HIP1: variants seen among roughly 807,000 people sequenced by gnomAD.
HIP1 encodes the protein huntingtin-interacting protein 1.
A neutral mutation model predicts 147.6 loss-of-function variants in HIP1; 65 were observed. The ratio of observed to expected loss-of-function variants is 0.44; its 90% confidence interval spans 0.36 to 0.54. HIP1 has a LOEUF of 0.54. Among genes scored for constraint, HIP1 ranks in the 20% least tolerant of loss-of-function variants. The probability of loss-of-function intolerance (pLI) is 0.00; values close to 1 mark genes in which losing one functional copy is unlikely to be tolerated. For synonymous variants in HIP1, 479 were observed against 504.0 expected, an observed-to-expected ratio of 0.95 and a Z score of 0.67; for missense variants, 1,061 against 1,299.6, an observed-to-expected ratio of 0.82 and a Z score of 2.82.
At chr7:75,614,384 C>T (rs1435327792) in intron 1 of HIP1, among the ~76,000 whole-genome samples, 8 of 151,892 alleles carry the variant, frequency 5.3e-5, no homozygotes, top group African/African-American at 1.9e-4. Context: ...CCACCACACA[C>T]ACACATAGAC....
At position 75,630,143 on chromosome 7, in the gene HIP1, G is replaced by A. The variant is rs142626338; in HGVS notation, c.121-30896C>T. Among the ~76,000 whole-genome samples, 546 of 151,428 alleles carry A rather than the reference G, an allele frequency of 3.6e-3. 1 individual carries two copies. The highest frequency in any genetic ancestry group is 0.013 in the African/African-American group (518 of 41,268). On this transcript the variant is annotated intron_variant, in intron 1 of 30. Transcript: ENST00000336926. ...TGCACCACTGCATTCCAGCCTCAGG[G>A]ATAGAGTGAGACCTTCTCTCTGAAA...
intron 5 of HIP1, 64 bp from the exon 6 acceptor site, chr7:75,582,215 C>A (rs587662586): frequency 2.8e-5 from 37 of 1,299,468 alleles, no homozygotes; most frequent in Non-Finnish European, 3.9e-5. Flanking sequence ...CTCAGCCGGG[C>A]GTGGTGGCAC....
chr7:75,669,076 A>AC (rs1799652440), intron 1 of HIP1, among the ~76,000 whole-genome samples: 3 of 145,456 alleles, frequency 2.1e-5, no homozygotes, highest in East Asian at 2.1e-4. Context: ...AAACAAACAA[A>AC]AAAAACAGGC....
chr7:75,647,415 A>G (rs976315696), intron 1 of HIP1, among the ~76,000 whole-genome samples: 1 of 151,876 alleles, frequency 6.6e-6, no homozygotes, highest in African/African-American at 2.4e-5. Context: ...AAAACGAAAC[A>G]AAACAAAAAA....
intron 8 of HIP1, among the ~76,000 whole-genome samples, chr7:75,571,217 A>G (rs35949935): frequency 0.26 from 38,808 of 151,916 alleles, 5,341 homozygotes; most frequent in African/African-American, 0.35. Flanking sequence ...GTGCACCACC[A>G]TGCCCAGCTT....
Position 75,536,071 on chromosome 7 carries a change from T to G in HIP1, c.*2101A>C. 1 of 186,696 alleles carries G rather than the reference T, an allele frequency of 5.4e-6. No homozygotes were observed. The allele number at this position is 186,696 out of a possible 1,614,324, so 11.6% of individuals were successfully genotyped here. A position where few individuals can be genotyped will look rare whatever the true frequency, so the allele number is the denominator to read the frequency against. ...ATGGCTGAGATCTAGAAGTGAGGAC[T>G]AGCCACTTTTGGAAATGTTGACCCG... On this transcript the variant is annotated 3_prime_UTR_variant, in exon 31 of 31. Transcript: ENST00000336926.
intron 2 of HIP1, among the ~76,000 whole-genome samples, chr7:75,595,263 C>CCTTT (rs1796682511): frequency 1.1e-5 from 1 of 95,010 alleles, no homozygotes; most frequent in Non-Finnish European, 2.1e-5. Flanking sequence ...TTCCTTCCTT[C>CCTTT]CTTCCTTCCT....
At position 75,568,484 on chromosome 7, in the gene HIP1, G is replaced by A. The variant is rs979631397; in HGVS notation, c.746-228C>T. 2.6e-5 allele frequency among the ~76,000 whole-genome samples: 4 copies of A among 152,170 alleles called. No individual in the cohort carries two copies. The highest frequency in any genetic ancestry group is 5.9e-5 in the Non-Finnish European group (4 of 68,036). On this transcript the variant is annotated intron_variant, in intron 8 of 30. Coordinates refer to ENST00000336926, the MANE Select transcript of HIP1 (RefSeq NM_005338.7). The surrounding 1 kb of genome is among the most constrained non-coding windows in gnomAD (Gnocchi z 4.1). ...CCTCCAAATCCTTTCACTTCAATTAGTTCCTGAAGGACAAGCCATGCCGGG... is the reference window on the plus strand; with the variant it reads ...CCTCCAAATCCTTTCACTTCAATTAATTCCTGAAGGACAAGCCATGCCGGG...
In HIP1 at chr7:75,595,243, TCTTTCTTTCTTCCTTC is replaced by T. The variant is rs1412854063; in HGVS notation, c.185-2745_185-2730del. Among the ~76,000 whole-genome samples the T allele has an allele frequency of 5.1e-3, 534 of 104,636 alleles. 1 individual carries two copies. The highest frequency in any genetic ancestry group is 8.7e-3 in the Middle Eastern group (2 of 230). The allele number at this position is 104,636 out of a possible 152,430, so 68.6% of individuals were successfully genotyped here. On this transcript the variant is annotated intron_variant, in intron 2 of 30. Transcript: ENST00000336926. ...TTCTTTCTTTCTTTCTTTCTTTCTTTCTTTCTTTCTTCCTTCCTTCCTTCCTTCCTTCCTTCCTTCC... is the reference window on the plus strand; with the variant it reads ...TTCTTTCTTTCTTTCTTTCTTTCTTTCTTCCTTCCTTCCTTCCTTCCTTCC...
intron 15 of HIP1, 109 bp from the exon 16 acceptor site, chr7:75,557,879 A>C: frequency 1.2e-6 from 1 of 817,684 alleles, no homozygotes; most frequent in Non-Finnish European, 2.1e-6. Flanking sequence ...CAGACACAGG[A>C]ATCACTTTCC....
chr7:75,652,994 A>C (rs1411436074), intron 1 of HIP1, among the ~76,000 whole-genome samples: 1 of 152,190 alleles, frequency 6.6e-6, no homozygotes, highest in Non-Finnish European at 1.5e-5. Context: ...AGTTAATTCC[A>C]TGTGTCAACA....
chr7:75,701,200 C>T (rs1800819983), intron 1 of HIP1, among the ~76,000 whole-genome samples: 1 of 152,046 alleles, frequency 6.6e-6, no homozygotes, highest in Non-Finnish European at 1.5e-5. Context: ...TCCAGACCAG[C>T]CTGGCCAACA....
At chr7:75,706,280 C>T (rs1423670550) in intron 1 of HIP1, among the ~76,000 whole-genome samples, 2 of 152,110 alleles carry the variant, frequency 1.3e-5, no homozygotes, top group Admixed American at 6.6e-5. Flanking sequence ...CACAAGAGTT[C>T]CAATTTCTCC....
chr7:75,734,975 C>G (rs529015290), intron 1 of HIP1, among the ~76,000 whole-genome samples: 2 of 152,142 alleles, frequency 1.3e-5, no homozygotes, highest in African/African-American at 4.8e-5. Context: ...GAGTTAATCA[C>G]AGCCTGCTTG....
chr7:75,555,308 G>A, intron 19 of HIP1, 108 bp downstream of exon 19: 1 of 1,331,446 alleles, frequency 7.5e-7, no homozygotes, highest in Non-Finnish European at 1.0e-6. Context: ...ATGCTGACAT[G>A]CTGCTGGGCT....
intron 4 of HIP1, among the ~76,000 whole-genome samples, chr7:75,587,986 A>C (rs1007964324): frequency 2.6e-5 from 4 of 152,088 alleles, no homozygotes; most frequent in African/African-American, 9.7e-5. Context: ...ACCACCACCA[A>C]CACACACACA....
chr7:75,731,421 T>C (rs2269891), intron 1 of HIP1, among the ~76,000 whole-genome samples: 51,643 of 146,934 alleles, frequency 0.35, 9,119 homozygotes, highest in African/African-American at 0.37. Flanking sequence ...AGTCACATAT[T>C]GTAGTGAGCC....
At chr7:75,724,686 T>C (rs1228568901) in intron 1 of HIP1, among the ~76,000 whole-genome samples, 3 of 152,102 alleles carry the variant, frequency 2.0e-5, no homozygotes, top group Non-Finnish European at 2.9e-5. Context: ...GGCAATATAC[T>C]AAAAGTTGAA....
intron 1 of HIP1, among the ~76,000 whole-genome samples, chr7:75,673,649 A>AT (rs1267651018): frequency 6.6e-6 from 1 of 151,416 alleles, no homozygotes; most frequent in East Asian, 1.9e-4. Flanking sequence ...TCATTTTTGG[A>AT]TTTTTCATAG....
Sources: allele counts gnomAD v4.1 joint callset (sites outside exome capture counted in the v4.1 genomes callset), GRCh38; gene constraint gnomAD v4.1.1; non-coding constraint Gnocchi (gnomAD v3.1); transcripts MANE v1.5; gene names NCBI Gene and HGNC (gene_info 2026-07-23, HGNC 2026-07-21).